PI4K2A: variants seen among roughly 807,000 people sequenced by gnomAD.
PI4K2A encodes the protein phosphatidylinositol 4-kinase type 2-alpha.
PI4K2A carries 20 observed loss-of-function variants against 55.0 expected under a neutral mutation model. The observed-to-expected ratio is 0.36, with a 90% CI of 0.26 to 0.53. The LOEUF (loss-of-function observed/expected upper bound fraction) is 0.53, where lower values mean the gene tolerates loss of function less well. Among genes scored for constraint, PI4K2A ranks in the 20% least tolerant of loss-of-function variants. The pLI, the probability that PI4K2A is intolerant of heterozygous loss-of-function variation, is 0.91. For synonymous variants in PI4K2A, 235 were observed against 258.5 expected (o/e 0.91, Z 0.87); for missense variants, 463 against 637.1 (o/e 0.73, Z 2.94).
intron 8 of PI4K2A, among the ~76,000 whole-genome samples, chr10:97,669,732 G>A (rs1041158010): frequency 6.6e-6 from 1 of 152,148 alleles, no homozygotes; most frequent in Admixed American, 6.6e-5. Flanking sequence ...TGTCTACATA[G>A]CTGAGCCATT....
At chr10:97,670,167 T>A (rs1040503239) in intron 8 of PI4K2A, among the ~76,000 whole-genome samples, 9 of 152,234 alleles carry the variant, frequency 5.9e-5, no homozygotes, top group Non-Finnish European at 1.0e-4. Flanking sequence ...CCCAAGGTGC[T>A]GAAATTATAG....
intron 1 of PI4K2A, among the ~76,000 whole-genome samples, chr10:97,644,639 A>G (rs1225185414): frequency 6.6e-6 from 1 of 152,156 alleles, no homozygotes; most frequent in African/African-American, 2.4e-5. Flanking sequence ...AGCTGCAAAC[A>G]TCTTGTCTGC....
At chr10:97,665,016 T>C in intron 6 of PI4K2A, 32 bp downstream of exon 6, 1 of 1,318,822 alleles carries the variant, frequency 7.6e-7, no homozygotes, top group Non-Finnish European at 1.1e-6. Flanking sequence ...GTCTGGCTCT[T>C]CCCTTGCTCA....
At chr10:97,642,878 T>G (rs1349202132) in intron 1 of PI4K2A, among the ~76,000 whole-genome samples, 1 of 129,284 alleles carries the variant, frequency 7.7e-6, no homozygotes, top group African/African-American at 3.2e-5. Context: ...TCTTTCTTTC[T>G]TTCTTTCTTC....
chr10:97,660,159 G>T (rs535846660), intron 4 of PI4K2A, among the ~76,000 whole-genome samples: 2 of 139,704 alleles, frequency 1.4e-5, no homozygotes, highest in Non-Finnish European at 3.1e-5. Context: ...CTGCTACCAC[G>T]CCCGGCTAAT....
intron 8 of PI4K2A, 97 bp downstream of exon 8, chr10:97,667,217 C>A (rs570613288): frequency 1.2e-6 from 1 of 815,812 alleles, no homozygotes; most frequent in South Asian, 1.7e-5. Flanking sequence ...TATACCCCCC[C>A]CTTTTTTTTT....
chr10:97,653,902 G>A (rs1343114999), intron 2 of PI4K2A, among the ~76,000 whole-genome samples: 1 of 146,116 alleles, frequency 6.8e-6, no homozygotes, highest in East Asian at 2.0e-4. Context: ...GGGCAACAGA[G>A]CGAGACTCCG....
exon 1 of PI4K2A, chr10:97,641,127 C>G: frequency 6.2e-7 from 1 of 1,608,612 alleles, no homozygotes; most frequent in South Asian, 1.1e-5. Flanking sequence ...CTTTCCCGAG[C>G]GCATCTACCA....
intron 5 of PI4K2A, 51 bp downstream of exon 5, chr10:97,663,019 T>C: frequency 8.5e-7 from 1 of 1,182,370 alleles, no homozygotes; most frequent in South Asian, 1.2e-5. Context: ...TTGCATAATA[T>C]AGAAACACAT....
rs146387356 is a variant in PI4K2A, at chr10:97,656,887, G to A, written c.835G>A (p.Ala279Thr). 8.4e-4 allele frequency: 1,361 copies of A among 1,614,158 alleles called. 2 individuals carry two copies. Among genetic ancestry groups the A allele is most frequent in the Middle Eastern group, 8.4e-3 (51 of 6,062 alleles). ...AGACTATTGGCTGCGGCGTTTTGAA[G>A]CAGAACCTCTTCCTGAGAACACTAA... Residue 279 changes from alanine (A) to threonine (T), a missense_variant, in exon 4 of 9, where the codon GCA (alanine) becomes ACA (threonine). Physicochemically the swap from Ala to Thr is moderately conservative, Grantham distance 58. This residue lies in a region of PI4K2A where 277 missense variants were observed against 432.6 expected (regional missense o/e 0.64). Transcript: ENST00000370631. This position sits in a 1 kb window ranked among gnomAD's most constrained non-coding sequence, Gnocchi z 4.5.
At chr10:97,649,610 T>TTTTTTG (rs2041521151) in intron 1 of PI4K2A, among the ~76,000 whole-genome samples, 1 of 24,066 alleles carries the variant, frequency 4.2e-5, no homozygotes, top group Non-Finnish European at 6.9e-5. Flanking sequence ...CCATAATAGA[T>TTTTTTG]TTTTTTTTTT....
chr10:97,674,192 A>T (rs548344619), exon 9 of PI4K2A: 2 of 153,824 alleles, frequency 1.3e-5, no homozygotes, highest in African/African-American at 4.8e-5. Flanking sequence ...TAGACCTGAC[A>T]TTCAGCTGCC....
intron 2 of PI4K2A, among the ~76,000 whole-genome samples, chr10:97,653,314 T>C (rs1298406947): frequency 1.3e-5 from 2 of 152,188 alleles, no homozygotes; most frequent in African/African-American, 4.8e-5. Context: ...GTGTAACACT[T>C]GGGCAAGTCA....
At chr10:97,658,394 T>G (rs1379914017) in intron 4 of PI4K2A, among the ~76,000 whole-genome samples, 3 of 152,236 alleles carry the variant, frequency 2.0e-5, no homozygotes, top group Non-Finnish European at 4.4e-5. Flanking sequence ...TAAATACTGA[T>G]CCATTTTATG....
intron 4 of PI4K2A, among the ~76,000 whole-genome samples, chr10:97,662,461 G>A (rs1009641628): frequency 1.3e-5 from 2 of 152,170 alleles, no homozygotes; most frequent in Admixed American, 6.5e-5. Flanking sequence ...CAGGTGTTGA[G>A]GGGAGCTTAG....
chr10:97,654,147 C>G (rs188660022), intron 2 of PI4K2A, among the ~76,000 whole-genome samples: 4 of 152,318 alleles, frequency 2.6e-5, no homozygotes. Context: ...TGTCTCTGCT[C>G]TCTGCTCCTA....
intron 8 of PI4K2A, 44 bp downstream of exon 8, chr10:97,667,164 G>A (rs2041613380): frequency 7.0e-7 from 1 of 1,422,284 alleles, no homozygotes; most frequent in African/African-American, 1.4e-5. Context: ...GTCTCTGGGA[G>A]TGTTGTGTGC....
Position 97,645,923 on chromosome 10 carries a change from A to G in PI4K2A, c.435+4746A>G, listed in dbSNP as rs770968776. 4.5e-4 allele frequency among the ~76,000 whole-genome samples: 68 copies of G among 152,034 alleles called. 1 individual carries two copies. Among genetic ancestry groups the G allele is most frequent in the African/African-American group, 1.5e-3 (63 of 41,498 alleles). ...CTTGTAAATAAGGCTTCTCTACCTA[A>G]ATAGCTAAATCAAGGACTACTATTT... is the stretch of plus-strand genomic sequence containing the variant. On this transcript the variant is annotated intron_variant, in intron 1 of 8. Coordinates refer to ENST00000370631, the Ensembl canonical transcript of PI4K2A.
intron 1 of PI4K2A, among the ~76,000 whole-genome samples, chr10:97,650,367 C>T (rs755278159): frequency 2.0e-5 from 3 of 149,390 alleles, no homozygotes; most frequent in African/African-American, 5.0e-5. Context: ...CTGCAACCTC[C>T]GCCCCATGGG....
Sources: gnomAD v4.1 joint callset for allele counts (sites outside exome capture counted in the v4.1 genomes callset) on GRCh38, gnomAD v4.1.1 for gene constraint, gnomAD v4.1.1 regional missense constraint, Gnocchi (gnomAD v3.1) non-coding constraint, MANE v1.5 for transcripts, NCBI Gene and HGNC (gene_info 2026-07-23, HGNC 2026-07-21) for gene names.